The following RHOJ variants were observed in gnomAD, a reference collection of about 807,000 sequenced individuals.
The protein encoded by RHOJ is ras homolog family member J, also known as rho-related GTP-binding protein RhoJ.
Under a neutral mutation model 23.4 loss-of-function variants are expected in RHOJ, and 11 were observed. The ratio of observed to expected loss-of-function variants is 0.47; its 90% CI spans 0.30 to 0.78. The LOEUF is 0.78. Among genes scored for constraint, RHOJ ranks in the 30% least tolerant of loss-of-function variants. RHOJ has a pLI of 0.08. For missense variants in RHOJ, 254 were observed against 273.4 expected, an observed-to-expected ratio of 0.93 and a Z score of 0.50; for synonymous variants, 102 against 102.7, an observed-to-expected ratio of 0.99 and a Z score of 0.04.
chr14:63,242,016 A>G (rs1160052352), intron 1 of RHOJ, among the ~76,000 whole-genome samples: 4 of 152,198 alleles, frequency 2.6e-5, no homozygotes, highest in African/African-American at 9.7e-5. Flanking sequence ...GTGTATCCAG[A>G]AACAGAGAGC....
At chr14:63,210,455 C>T (rs961307124) in intron 1 of RHOJ, among the ~76,000 whole-genome samples, 4 of 152,290 alleles carry the variant, frequency 2.6e-5, no homozygotes, top group Admixed American at 6.5e-5. Context: ...GTTCGGCTGA[C>T]GGCTAGGTCT....
chr14:63,277,030 T>C (rs1043755384), intron 2 of RHOJ, among the ~76,000 whole-genome samples: 1 of 152,206 alleles, frequency 6.6e-6, no homozygotes, highest in African/African-American at 2.4e-5. Flanking sequence ...GGGTAACATA[T>C]GAGTCAAGAT....
At chr14:63,240,084 G>A (rs1452232492) in intron 1 of RHOJ, among the ~76,000 whole-genome samples, 1 of 152,128 alleles carries the variant, frequency 6.6e-6, no homozygotes, top group South Asian at 2.1e-4. Context: ...ATGAGAAAAT[G>A]AATAATTTAA....
At chr14:63,216,955 TA>T (rs75984455) in intron 1 of RHOJ, among the ~76,000 whole-genome samples, 35,700 of 152,028 alleles carry the variant, frequency 0.23, 6,064 homozygotes, top group African/African-American at 0.48. Context: ...ATCCTCAGAA[TA>T]ATTACTCTTC....
chr14:63,217,198 T>C (rs1894380445), intron 1 of RHOJ, among the ~76,000 whole-genome samples: 1 of 151,036 alleles, frequency 6.6e-6, no homozygotes, highest in South Asian at 2.1e-4. Context: ...TAACTCGTCA[T>C]CTAGCATTAG....
Position 63,205,137 on chromosome 14 carries a change from T to C in RHOJ, c.178+90T>C, listed in dbSNP as rs898008108. 6.4e-6 allele frequency: 9 copies of C among 1,408,284 alleles called. No individual in the cohort carries two copies. In the African/African-American group the frequency reaches 1.0e-4, roughly 16 times the overall value. The allele number at this position is 1,408,284 out of a possible 1,614,324, so 87.2% of individuals were successfully genotyped here. A position where few individuals can be genotyped will look rare whatever the true frequency, so the allele number is the denominator to read the frequency against. Reference sequence around the variant, plus strand: ...AGAGGGGCCTGGCTCATTTCTAATGTCAGTATTGGGTGCGGGCCTGGCAGT... The same window carrying C: ...AGAGGGGCCTGGCTCATTTCTAATGCCAGTATTGGGTGCGGGCCTGGCAGT... On this transcript the variant is annotated intron_variant, in intron 1 of 4. Coordinates refer to ENST00000316754, the MANE Select transcript of RHOJ (RefSeq NM_020663.5).
chr14:63,279,807 A>G (rs549755190), intron 2 of RHOJ, among the ~76,000 whole-genome samples: 40 of 152,350 alleles, frequency 2.6e-4, no homozygotes, highest in African/African-American at 9.6e-4. Flanking sequence ...AAATTTGGCA[A>G]TAACTCTTGT....
intron 3 of RHOJ, 52 bp downstream of exon 3, chr14:63,281,187 C>G (rs770465306): frequency 2.9e-5 from 44 of 1,522,754 alleles, no homozygotes; most frequent in Non-Finnish European, 3.8e-5. Context: ...ATGGGAAGAC[C>G]CTTTAGGTAC....
chr14:63,238,197 A>G (rs1341310723), intron 1 of RHOJ, among the ~76,000 whole-genome samples: 1 of 152,214 alleles, frequency 6.6e-6, no homozygotes, highest in Non-Finnish European at 1.5e-5. Flanking sequence ...TCATTTTAGA[A>G]GTACTCTTAG....
chr14:63,242,687 A>G (rs1894904592), intron 1 of RHOJ, among the ~76,000 whole-genome samples: 1 of 152,204 alleles, frequency 6.6e-6, no homozygotes, highest in African/African-American at 2.4e-5. Flanking sequence ...GAAGGCACAC[A>G]TTGACAATCA....
At chr14:63,264,494 C>G (rs184476765) in intron 1 of RHOJ, among the ~76,000 whole-genome samples, 29 of 152,242 alleles carry the variant, frequency 1.9e-4, no homozygotes, top group African/African-American at 6.5e-4. Context: ...GTGCATATGT[C>G]TTTTTGGGAG....
chr14:63,210,062 C>T (rs930437344), intron 1 of RHOJ, among the ~76,000 whole-genome samples: 3 of 151,314 alleles, frequency 2.0e-5, no homozygotes, highest in Non-Finnish European at 2.9e-5. Context: ...CAGATTCAAG[C>T]GATTCTCCTG....
At chr14:63,221,135 C>G (rs932900148) in intron 1 of RHOJ, among the ~76,000 whole-genome samples, 7 of 152,008 alleles carry the variant, frequency 4.6e-5, no homozygotes, top group Non-Finnish European at 1.5e-5. Flanking sequence ...TCGAGACCAG[C>G]CTGGGCAACA....
At chr14:63,255,700 G>T (rs938970667) in intron 1 of RHOJ, among the ~76,000 whole-genome samples, 2 of 152,056 alleles carry the variant, frequency 1.3e-5, no homozygotes, top group African/African-American at 4.8e-5. Context: ...ACCAATCCAG[G>T]TGTGAGCTTT....
At chr14:63,215,490 T>C (rs1451460425) in intron 1 of RHOJ, among the ~76,000 whole-genome samples, 1 of 152,244 alleles carries the variant, frequency 6.6e-6, no homozygotes, top group Non-Finnish European at 1.5e-5. Context: ...AGTTACTTAA[T>C]TAGCTAACAT....
intron 2 of RHOJ, among the ~76,000 whole-genome samples, chr14:63,278,158 A>AT (rs1881793581): frequency 1.3e-5 from 2 of 151,986 alleles, no homozygotes; most frequent in African/African-American, 4.8e-5. Flanking sequence ...TTTTGGGTTT[A>AT]TTTTTTAGGA....
chr14:63,230,227 A>G (rs1177291089), intron 1 of RHOJ, among the ~76,000 whole-genome samples: 4 of 152,114 alleles, frequency 2.6e-5, no homozygotes, highest in African/African-American at 9.7e-5. Flanking sequence ...ATAGGTATCT[A>G]AGACTGACCA....
chr14:63,264,729 G>A (rs1388512891), intron 1 of RHOJ, among the ~76,000 whole-genome samples: 1 of 152,198 alleles, frequency 6.6e-6, no homozygotes, highest in African/African-American at 2.4e-5. Flanking sequence ...ACTGGTGTGA[G>A]ATAGTATTTT....
intron 1 of RHOJ, among the ~76,000 whole-genome samples, chr14:63,245,294 TA>T (rs879627512): frequency 3.9e-4 from 57 of 146,864 alleles, no homozygotes; most frequent in East Asian, 5.9e-4. Context: ...CTTGCTTCAT[TA>T]AAAAAAAAAG....
Sources: allele counts gnomAD v4.1 joint callset (sites outside exome capture counted in the v4.1 genomes callset), GRCh38; gene constraint gnomAD v4.1.1; transcripts MANE v1.5; gene names NCBI Gene and HGNC (gene_info 2026-07-23, HGNC 2026-07-21).